The following ARHGAP20 variants were observed in gnomAD, a reference collection of about 807,000 sequenced individuals.
ARHGAP20 encodes the protein Rho GTPase activating protein 20.
A neutral mutation model predicts 73.7 loss-of-function variants in ARHGAP20; 34 were observed. The ratio of observed to expected loss-of-function variants is 0.46; its 90% confidence interval spans 0.35 to 0.61. The LOEUF (loss-of-function observed/expected upper bound fraction) is 0.61, where lower values mean the gene tolerates loss of function less well. ARHGAP20 is among the 20% of genes least tolerant of loss of function. The pLI, the probability that ARHGAP20 is intolerant of heterozygous loss-of-function variation, is 0.00. For missense variants in ARHGAP20, 1,314 were observed against 1,420.9 expected (o/e 0.92, Z 1.21); for synonymous variants, 523 against 518.2 (o/e 1.01, Z -0.13).
At chr11:110,604,055 A>G (rs556654205) in intron 9 of ARHGAP20, among the ~76,000 whole-genome samples, 1 of 152,282 alleles carries the variant, frequency 6.6e-6, no homozygotes, top group South Asian at 2.1e-4. Flanking sequence ...TTCTATCAAT[A>G]AAATTGGGTG....
chr11:110,676,808 CTCAAA>C (rs946120228), intron 2 of ARHGAP20, among the ~76,000 whole-genome samples: 2 of 149,684 alleles, frequency 1.3e-5, no homozygotes, highest in African/African-American at 2.5e-5. Flanking sequence ...CTTAAATCTC[CTCAAA>C]TAAGTTTTTT....
chr11:110,660,564 T>G (rs1949586673), intron 2 of ARHGAP20, among the ~76,000 whole-genome samples: 3 of 152,222 alleles, frequency 2.0e-5, no homozygotes, highest in Middle Eastern at 6.8e-3. Flanking sequence ...AGAGCCAATT[T>G]TTCCAAGCCC....
Position 110,577,090 on chromosome 11 carries a change from C to T in ARHGAP20, c.*2280G>A, listed in dbSNP as rs1947300818. 2 of 1,525,664 alleles carry T rather than the reference C, an allele frequency of 1.3e-6. No homozygotes were observed. Among genetic ancestry groups the T allele is most frequent in the Non-Finnish European group, 1.8e-6 (2 of 1,139,890 alleles). The allele number at this position is 1,525,664 out of a possible 1,614,324, so 94.5% of individuals were successfully genotyped here. On this transcript the variant is annotated 3_prime_UTR_variant, in exon 15 of 15. Transcript: ENST00000683387. ...CATTTTATTTAACAGACAGCATGGA[C>T]TTCATACATATCCATTATCAGTGCC...
At chr11:110,649,930 G>A (rs1949311846) in intron 2 of ARHGAP20, among the ~76,000 whole-genome samples, 1 of 151,938 alleles carries the variant, frequency 6.6e-6, no homozygotes, top group African/African-American at 2.4e-5. Context: ...AGGTCACTGA[G>A]GACAATAAAA....
At chr11:110,631,597 C>A (rs1948861992) in intron 2 of ARHGAP20, among the ~76,000 whole-genome samples, 1 of 152,144 alleles carries the variant, frequency 6.6e-6, no homozygotes, top group South Asian at 2.1e-4. Flanking sequence ...GTTATGAGAC[C>A]CCCAAGTTGC....
chr11:110,675,490 G>C (rs118188125), intron 2 of ARHGAP20, among the ~76,000 whole-genome samples: 1 of 152,130 alleles, frequency 6.6e-6, no homozygotes, highest in South Asian at 2.1e-4. Flanking sequence ...TGGATGGTGG[G>C]GAGTTGTGGA....
At chr11:110,622,151 G>A (rs1948643332) in intron 4 of ARHGAP20, among the ~76,000 whole-genome samples, 1 of 152,128 alleles carries the variant, frequency 6.6e-6, no homozygotes, top group African/African-American at 2.4e-5. Context: ...TGGTTCTTCA[G>A]CTCAGAAAGA....
intron 2 of ARHGAP20, among the ~76,000 whole-genome samples, chr11:110,665,956 C>T (rs1949714739): frequency 1.3e-5 from 2 of 149,120 alleles, no homozygotes; most frequent in African/African-American, 5.0e-5. Context: ...TTAATATGGT[C>T]ACTGGATACA....
chr11:110,643,483 C>T (rs1339377125), intron 2 of ARHGAP20, among the ~76,000 whole-genome samples: 1 of 152,070 alleles, frequency 6.6e-6, no homozygotes, highest in Non-Finnish European at 1.5e-5. Context: ...TCATTAATTT[C>T]AAATACTTTT....
intron 2 of ARHGAP20, among the ~76,000 whole-genome samples, chr11:110,662,221 T>C (rs1949629777): frequency 6.6e-6 from 1 of 151,804 alleles, no homozygotes; most frequent in South Asian, 2.1e-4. Flanking sequence ...AAAAACAGTA[T>C]TGAGGAGACA....
At chr11:110,690,486 C>G in intron 2 of ARHGAP20, 61 bp downstream of exon 2, 1 of 1,470,808 alleles carries the variant, frequency 6.8e-7, no homozygotes, top group Non-Finnish European at 9.5e-7. Flanking sequence ...CTGAAAAACT[C>G]TTCATCTAAT....
chr11:110,696,608 CATGTTT>C (rs1372717007), intron 1 of ARHGAP20, among the ~76,000 whole-genome samples: 1 of 151,508 alleles, frequency 6.6e-6, no homozygotes, highest in East Asian at 1.9e-4. Context: ...TGTGCATGTG[CATGTTT>C]GCTACATCGG....
chr11:110,632,188 G>A (rs761188421), intron 2 of ARHGAP20, among the ~76,000 whole-genome samples: 4 of 151,990 alleles, frequency 2.6e-5, no homozygotes, highest in Admixed American at 6.5e-5. Context: ...ATTTCTCTTG[G>A]GTAAATACCT....
intron 1 of ARHGAP20, among the ~76,000 whole-genome samples, chr11:110,705,013 T>C (rs1950528451): frequency 6.6e-6 from 1 of 152,158 alleles, no homozygotes; most frequent in African/African-American, 2.4e-5. Flanking sequence ...TATATACCTA[T>C]TTTTGTGACA....
intron 1 of ARHGAP20, among the ~76,000 whole-genome samples, chr11:110,704,142 G>C (rs891107838): frequency 7.9e-5 from 12 of 152,142 alleles, no homozygotes; most frequent in African/African-American, 2.2e-4. Context: ...GCAGATCCAC[G>C]TCTATCTAGA....
At chr11:110,673,585 C>T (rs952590947) in intron 2 of ARHGAP20, among the ~76,000 whole-genome samples, 1 of 152,098 alleles carries the variant, frequency 6.6e-6, no homozygotes, top group Non-Finnish European at 1.5e-5. Context: ...AAAAGAATTA[C>T]ACTAAGCAGT....
chr11:110,588,078 C>T (rs1324965807), intron 11 of ARHGAP20, among the ~76,000 whole-genome samples: 1 of 152,190 alleles, frequency 6.6e-6, no homozygotes, highest in African/African-American at 2.4e-5. Context: ...ACATCATTAA[C>T]ATCTTAAACC....
chr11:110,632,987 G>A (rs1412248876), intron 2 of ARHGAP20, among the ~76,000 whole-genome samples: 2 of 152,194 alleles, frequency 1.3e-5, no homozygotes, highest in East Asian at 3.9e-4. Context: ...AAATTTTGAC[G>A]AAGTTTATCA....
At chr11:110,609,954 C>T (rs934065568) in intron 7 of ARHGAP20, among the ~76,000 whole-genome samples, 1 of 152,056 alleles carries the variant, frequency 6.6e-6, no homozygotes, top group Non-Finnish European at 1.5e-5. Flanking sequence ...TGTCTGAAAA[C>T]ACTGTAATAA....
Sources: gnomAD v4.1 joint callset for allele counts (sites outside exome capture counted in the v4.1 genomes callset) on GRCh38, gnomAD v4.1.1 for gene constraint, MANE v1.5 for transcripts, NCBI Gene and HGNC (gene_info 2026-07-23, HGNC 2026-07-21) for gene names.